DPYS: variants seen among roughly 807,000 people sequenced by gnomAD.
DPYS encodes the protein dihydropyrimidinase.
Under a neutral mutation model 50.3 loss-of-function variants are expected in DPYS, and 39 were observed. The ratio of observed to expected loss-of-function variants is 0.78; its 90% CI spans 0.60 to 1.01. The LOEUF (loss-of-function observed/expected upper bound fraction) is 1.01, where lower values mean the gene tolerates loss of function less well. Ranked by LOEUF, DPYS falls within the 50% of genes least tolerant of loss-of-function variation. The pLI is 0.00. For synonymous variants in DPYS, 245 were observed against 250.7 expected, an observed-to-expected ratio of 0.98 and a Z score of 0.22; for missense variants, 659 against 680.9, an observed-to-expected ratio of 0.97 and a Z score of 0.36.
chr8:104,423,082 T>A (rs1812600798), intron 7 of DPYS, among the ~76,000 whole-genome samples: 1 of 152,258 alleles, frequency 6.6e-6, no homozygotes, highest in Non-Finnish European at 1.5e-5. Flanking sequence ...AATAGTTCCT[T>A]ATTAACATAA....
rs747643995 is a variant in DPYS at position 104,444,239 on chromosome 8, G to A, written c.793+9C>T. 31 of 1,613,892 alleles carry A rather than the reference G, an allele frequency of 1.9e-5. No individual in the cohort carries two copies. The highest frequency in any genetic ancestry group is 3.3e-5 in the South Asian group (3 of 91,058). On this transcript the variant is annotated intron_variant, in intron 4 of 9. Coordinates refer to ENST00000351513, the MANE Select transcript of DPYS (RefSeq NM_001385.3). ...CTGAGTTCTAAGTGAGGTTACATTCGAGAATTACCATCTCTCCTTGCATCC... is the reference window on the plus strand; with the variant it reads ...CTGAGTTCTAAGTGAGGTTACATTCAAGAATTACCATCTCTCCTTGCATCC...
At chr8:104,451,473 C>A (rs779056937) in intron 1 of DPYS, 69 bp from the exon 2 acceptor site, 52 of 1,598,480 alleles carry the variant, frequency 3.3e-5, no homozygotes, top group Non-Finnish European at 4.2e-5. Flanking sequence ...TCATCTTGAA[C>A]AATGTGCATT....
chr8:104,425,825 T>G (rs2140628765), intron 6 of DPYS, among the ~76,000 whole-genome samples: 1 of 152,240 alleles, frequency 6.6e-6, no homozygotes, highest in Non-Finnish European at 1.5e-5. Context: ...GTACTAAAGG[T>G]TTATTTAATT....
intron 8 of DPYS, among the ~76,000 whole-genome samples, chr8:104,386,097 T>C (rs944024517): frequency 6.6e-6 from 1 of 152,194 alleles, no homozygotes; most frequent in Admixed American, 6.5e-5. Context: ...GACAAATTAA[T>C]AGAGAGACAG....
intron 8 of DPYS, among the ~76,000 whole-genome samples, chr8:104,385,145 G>A (rs763165193): frequency 1.3e-5 from 2 of 152,178 alleles, no homozygotes; most frequent in African/African-American, 2.4e-5. Context: ...ACAAAGAGGT[G>A]TAAAATTGCT....
rs1814440829 is a variant in DPYS at position 104,466,947 on chromosome 8, G to T, written c.-27C>A. 2 of 1,416,458 alleles carry T rather than the reference G, an allele frequency of 1.4e-6. No individual in the cohort carries two copies. Among genetic ancestry groups the T allele is most frequent in the South Asian group, 3.0e-5 (2 of 66,116 alleles). 87.7% of individuals were successfully genotyped at this position (1,416,458 alleles called of 1,614,324 possible). A position where few individuals can be genotyped will look rare whatever the true frequency, so the allele number is the denominator to read the frequency against. ...GCGAGGGGCGCGCGGGGTCCTACTC[G>T]GCCCGGGCTGCGCGCAGGGGCTGGG... On this transcript the variant is annotated 5_prime_UTR_variant, in exon 1 of 10. Transcript: ENST00000351513.
chr8:104,388,666 T>C (rs1037094010), intron 8 of DPYS, among the ~76,000 whole-genome samples: 4 of 152,376 alleles, frequency 2.6e-5, no homozygotes, highest in African/African-American at 7.2e-5. Context: ...GTTATATTTA[T>C]CAAATAAAGT....
At chr8:104,429,835 A>G (rs1812892042) in intron 4 of DPYS, 134 bp from the exon 5 acceptor site, 1 of 1,122,822 alleles carries the variant, frequency 8.9e-7, no homozygotes, top group East Asian at 2.6e-5. Context: ...CCAAACTATA[A>G]TTTACTTTTG....
intron 1 of DPYS, among the ~76,000 whole-genome samples, chr8:104,463,746 T>C (rs1325774099): frequency 6.6e-6 from 1 of 152,246 alleles, no homozygotes; most frequent in Non-Finnish European, 1.5e-5. Context: ...TAACATATCA[T>C]ACAACCAGTA....
chr8:104,456,098 A>G (rs1273400204), intron 1 of DPYS, among the ~76,000 whole-genome samples: 1 of 152,056 alleles, frequency 6.6e-6, no homozygotes, highest in Non-Finnish European at 1.5e-5. Context: ...GTCATTGCCT[A>G]TGGTATTCAG....
intron 7 of DPYS, among the ~76,000 whole-genome samples, chr8:104,403,279 G>A (rs945706736): frequency 1.5e-4 from 23 of 152,164 alleles, no homozygotes; most frequent in Admixed American, 1.5e-3. Flanking sequence ...TAATCAAGCT[G>A]AACACTAGTC....
rs539276009 is a variant in DPYS at position 104,386,996 on chromosome 8, C to G, written c.1444-5682G>C. Among the ~76,000 whole-genome samples, 57 of 152,278 alleles carry G rather than the reference C, an allele frequency of 3.7e-4. 1 individual carries two copies. Among genetic ancestry groups the G allele is most frequent in the Non-Finnish European group, 6.3e-4 (43 of 68,028 alleles). ...TCCCAAAGGTATTAATGATTGAATG[C>G]TGTTCATGGAGGCTAAGATACTAAA... On this transcript the variant is annotated intron_variant, in intron 8 of 9. Coordinates refer to ENST00000351513, the MANE Select transcript of DPYS (RefSeq NM_001385.3).
intron 6 of DPYS, among the ~76,000 whole-genome samples, chr8:104,425,450 T>C (rs1486013243): frequency 6.6e-6 from 1 of 151,696 alleles, no homozygotes; most frequent in Non-Finnish European, 1.5e-5. Context: ...TGGGACTACA[T>C]GGTGGGGTAT....
intron 1 of DPYS, among the ~76,000 whole-genome samples, chr8:104,460,615 G>A (rs1305005503): frequency 6.6e-6 from 1 of 152,272 alleles, no homozygotes; most frequent in East Asian, 1.9e-4. Flanking sequence ...AGAAAACAAG[G>A]GGTGGAGGTG....
chr8:104,422,579 C>T (rs765883867), intron 7 of DPYS, among the ~76,000 whole-genome samples: 4 of 152,168 alleles, frequency 2.6e-5, no homozygotes, highest in African/African-American at 2.4e-5. Flanking sequence ...TAAAAACCCA[C>T]GAGAGCTGTG....
rs146267636 is a variant in DPYS at position 104,439,610 on chromosome 8, T to C, written c.793+4638A>G. 5.8e-4 allele frequency among the ~76,000 whole-genome samples: 88 copies of C among 152,192 alleles called. 1 individual carries two copies. The highest frequency in any genetic ancestry group is 2.0e-3 in the African/African-American group (84 of 41,544). On this transcript the variant is annotated intron_variant, in intron 4 of 9. Transcript: ENST00000351513. ...CCAGCTTGAACAACAAATGGAGACT[T>C]CATTTCTACAAAAAAATTTTAAAAA...
At chr8:104,394,165 T>G (rs893807563) in intron 7 of DPYS, among the ~76,000 whole-genome samples, 1 of 152,204 alleles carries the variant, frequency 6.6e-6, no homozygotes, top group Non-Finnish European at 1.5e-5. Flanking sequence ...ATAAATTTTT[T>G]AAAAATCGTC....
At chr8:104,417,892 C>T (rs1812419217) in intron 7 of DPYS, among the ~76,000 whole-genome samples, 1 of 152,136 alleles carries the variant, frequency 6.6e-6, no homozygotes, top group Non-Finnish European at 1.5e-5. Context: ...ATGTCAAATT[C>T]CTCACCTTGG....
At chr8:104,465,361 A>G (rs1814329990) in intron 1 of DPYS, among the ~76,000 whole-genome samples, 1 of 152,154 alleles carries the variant, frequency 6.6e-6, no homozygotes, top group South Asian at 2.1e-4. Flanking sequence ...ACTGGACTTA[A>G]TAGCCCAACT....
Sources: allele counts gnomAD v4.1 joint callset (sites outside exome capture counted in the v4.1 genomes callset), GRCh38; gene constraint gnomAD v4.1.1; transcripts MANE v1.5; gene names NCBI Gene and HGNC (gene_info 2026-07-23, HGNC 2026-07-21).